The following C1orf53 variants were observed in gnomAD, a reference collection of about 807,000 sequenced individuals.
The protein encoded by C1orf53 is uncharacterized protein C1orf53.
A neutral mutation model predicts 17.5 loss-of-function variants in C1orf53; 23 were observed. The ratio of observed to expected loss-of-function variants is 1.31; its 90% CI spans 0.94 to 1.86. C1orf53 has a LOEUF of 1.86. Ranked by LOEUF, C1orf53 falls within the 40% of genes most tolerant of loss-of-function variation. The probability of loss-of-function intolerance (pLI) is 0.00; values close to 1 mark genes in which losing one functional copy is unlikely to be tolerated. For synonymous variants in C1orf53, 108 were observed against 81.9 expected (o/e 1.32, Z -1.72); for missense variants, 255 against 193.2 (o/e 1.32, Z -1.89).
chr1:197,905,973 A>G (rs1659518738), intron 2 of C1orf53, 76 bp downstream of exon 2: 1 of 1,120,450 alleles, frequency 8.9e-7, no homozygotes, highest in Admixed American at 1.8e-5. Flanking sequence ...TATTTGAACA[A>G]CAAGTCAAAT....
Position 197,907,197 on chromosome 1 carries a change from T to A in C1orf53, c.415T>A (p.Phe139Ile), listed in dbSNP as rs1356090053. 1 of 1,582,984 alleles carries A rather than the reference T, an allele frequency of 6.3e-7. No individual in the cohort carries two copies. Among genetic ancestry groups the A allele is most frequent in the Non-Finnish European group, 8.6e-7 (1 of 1,156,764 alleles). Residue 139 changes from phenylalanine (F) to isoleucine (I), a missense_variant, in exon 3 of 3, where the codon TTC becomes ATC. Physicochemically the swap from Phe to Ile is conservative, Grantham distance 21. Coordinates refer to ENST00000367393, the MANE Select transcript of C1orf53 (RefSeq NM_001024594.3). ...NVKDPSKKKQ[F>I]NSYFYV The stretch of plus-strand genomic sequence containing the variant: ...TAAAGATCCATCTAAAAAGAAGCAA[T>A]TCAATTCATATTTTTATGTTTGACA...
intron 1 of C1orf53, among the ~76,000 whole-genome samples, chr1:197,904,644 G>A (rs909898018): frequency 1.3e-5 from 2 of 152,176 alleles, no homozygotes; most frequent in African/African-American, 2.4e-5. Flanking sequence ...CTGGACTTGG[G>A]AAGTCTCTCT....
chr1:197,903,041 T>C (rs892284718), intron 1 of C1orf53, 128 bp downstream of exon 1: 6 of 887,732 alleles, frequency 6.8e-6, no homozygotes, highest in Non-Finnish European at 9.1e-6. Context: ...ACCGGTGCGG[T>C]CCTGCCTCGG....
At chr1:197,904,154 G>A (rs1232373402) in intron 1 of C1orf53, among the ~76,000 whole-genome samples, 1 of 152,148 alleles carries the variant, frequency 6.6e-6, no homozygotes, top group Non-Finnish European at 1.5e-5. Flanking sequence ...CGACAAATCT[G>A]AGCCCCCTCA....
chr1:197,907,215 G>T lies in C1orf53; in HGVS notation c.433G>T (p.Val145Phe), dbSNP rs529713555. The T allele has an allele frequency of 1.3e-6, 2 of 1,559,832 alleles. No homozygotes were observed. Among genetic ancestry groups the T allele is most frequent in the Non-Finnish European group, 1.8e-6 (2 of 1,137,386 alleles). Reference protein sequence around the residue: ...KKKQFNSYFYV With the variant: ...KKKQFNSYFYF ...GAAGCAATTCAATTCATATTTTTAT[G>T]TTTGACAAGAATTTCATCTCTGTTC... is the stretch of plus-strand genomic sequence containing the variant. The change falls in exon 3 of 3, where the codon GTT becomes TTT. Residue 145 changes from valine to phenylalanine, a missense_variant. By Grantham distance (50) the Val-to-Phe change is conservative (BLOSUM62 -1). Coordinates refer to ENST00000367393, the MANE Select transcript of C1orf53 (RefSeq NM_001024594.3).
rs1329671605 is a variant in C1orf53 at position 197,902,882 on chromosome 1, A to T, written c.233A>T (p.Gln78Leu). 11 of 1,505,056 alleles carry T rather than the reference A, an allele frequency of 7.3e-6. No homozygotes were observed. The highest frequency in any genetic ancestry group is 9.7e-6 in the Non-Finnish European group (11 of 1,132,014). The allele number at this position is 1,505,056 out of a possible 1,614,324, so 93.2% of individuals were successfully genotyped here. ...VSEELTAAERQIAELHAAACA... is the reference protein window; with the variant it reads ...VSEELTAAERLIAELHAAACA... ...GAAGAGTTAACCGCGGCGGAGCGAC[A>T]GATCGCGGAGCTGCACGCTGCCGCC... Residue 78 changes from glutamine to leucine, a missense_variant, in exon 1 of 3, where the codon CAG (glutamine) becomes CTG (leucine). Gln to Leu is a moderately radical substitution (Grantham distance 113). Transcript: ENST00000367393.
In C1orf53 at chr1:197,903,584, A is replaced by G. The variant is rs559186617; in HGVS notation, c.264+671A>G. ...GCATGGTTACCTTTACAAAAGAAAC[A>G]GTGAGAAAAAAAGAGAAACTGACTA... On this transcript the variant is annotated intron_variant, in intron 1 of 2. Coordinates refer to ENST00000367393, the MANE Select transcript of C1orf53 (RefSeq NM_001024594.3). Among the ~76,000 whole-genome samples, 438 of 152,328 alleles carry G rather than the reference A, an allele frequency of 2.9e-3. 1 individual carries two copies. The highest frequency in any genetic ancestry group is 5.2e-3 in the Non-Finnish European group (355 of 68,028).
intron 2 of C1orf53, among the ~76,000 whole-genome samples, chr1:197,906,663 G>T (rs1050111049): frequency 6.6e-6 from 1 of 152,004 alleles, no homozygotes; most frequent in Non-Finnish European, 1.5e-5. Context: ...ATTGTTATAG[G>T]GTCAAGATTA....
At chr1:197,902,976 A>G in intron 1 of C1orf53, 63 bp downstream of exon 1, 1 of 1,310,606 alleles carries the variant, frequency 7.6e-7, no homozygotes, top group East Asian at 3.2e-5. Flanking sequence ...GCGCCTGCGC[A>G]TCCCGGGCCT....
Position 197,902,789 on chromosome 1 carries a change from G to A in C1orf53, c.140G>A (p.Gly47Glu), listed in dbSNP as rs751158476. The change falls in exon 1 of 3, where the codon GGA (glycine) becomes GAA (glutamate). Residue 47 changes from glycine to glutamate, a missense_variant. Gly to Glu is a moderately conservative substitution (Grantham distance 98). Coordinates refer to ENST00000367393, the MANE Select transcript of C1orf53 (RefSeq NM_001024594.3). ...TTAACCCTCTGCCCTGCTAACGAGG[G>A]AAACTGCGGCGGCTCCGCGCCCAGC... The part of the protein sequence containing the change: ...LSLTLCPANE[G>E]NCGGSAPSTP... 3 of 1,581,370 alleles carry A rather than the reference G, an allele frequency of 1.9e-6. No homozygotes were observed. Among genetic ancestry groups the A allele is most frequent in the South Asian group, 1.1e-5 (1 of 87,428 alleles).
intron 1 of C1orf53, among the ~76,000 whole-genome samples, chr1:197,904,058 C>T (rs1659483045): frequency 6.6e-6 from 1 of 152,224 alleles, no homozygotes; most frequent in Admixed American, 6.5e-5. Flanking sequence ...ACATTTGTTT[C>T]ATCAGTGTCA....
intron 1 of C1orf53, 57 bp downstream of exon 1, chr1:197,902,970 C>T (rs1659454681): frequency 7.5e-7 from 1 of 1,324,878 alleles, no homozygotes; most frequent in Non-Finnish European, 9.6e-7. Flanking sequence ...CTCGGCGCGC[C>T]TGCGCATCCC....
intron 1 of C1orf53, among the ~76,000 whole-genome samples, chr1:197,905,094 A>G (rs975048609): frequency 3.3e-5 from 5 of 152,240 alleles, no homozygotes; most frequent in African/African-American, 1.2e-4. Context: ...CACCGTTTTA[A>G]GTCATGTTTG....
chr1:197,903,685 A>G (rs1252921418), intron 1 of C1orf53, among the ~76,000 whole-genome samples: 1 of 152,184 alleles, frequency 6.6e-6, no homozygotes, highest in Non-Finnish European at 1.5e-5. Flanking sequence ...ACTTGATGGG[A>G]CTAATATTAT....
chr1:197,902,900 C>G lies in C1orf53; in HGVS notation c.251C>G (p.Ala84Gly). 1 of 1,476,184 alleles carries G rather than the reference C, an allele frequency of 6.8e-7. No homozygotes were observed. The highest frequency in any genetic ancestry group is 9.0e-7 in the Non-Finnish European group (1 of 1,117,308). 91.4% of individuals were successfully genotyped at this position (1,476,184 alleles called of 1,614,324 possible). ...GAGCGACAGATCGCGGAGCTGCACGCTGCCGCCTGCGCGGTGAGACTCCCT... is the reference window on the plus strand; with the variant it reads ...GAGCGACAGATCGCGGAGCTGCACGGTGCCGCCTGCGCGGTGAGACTCCCT... ...AAERQIAELH[A>G]AACAAGQLNY... The change falls in exon 1 of 3, where the codon GCT becomes GGT. Residue 84 changes from alanine to glycine, a missense_variant. Coordinates refer to ENST00000367393, the MANE Select transcript of C1orf53 (RefSeq NM_001024594.3).
In C1orf53 at chr1:197,905,790, C is replaced by G; in HGVS notation, c.265-6C>G. The stretch of plus-strand genomic sequence containing the variant: ...TAATGAATTGTTTCATTTTATTGCA[C>G]TTCAGGCTGGCCAGCTAAACTATGT... On this transcript the variant is annotated splice_polypyrimidine_tract_variant and splice_region_variant and intron_variant, in intron 1 of 2. Transcript: ENST00000367393. 6.3e-7 allele frequency: 1 copy of G among 1,598,832 alleles called. No homozygotes were observed. Among genetic ancestry groups the G allele is most frequent in the South Asian group, 1.1e-5 (1 of 90,596 alleles).
intron 2 of C1orf53, 109 bp downstream of exon 2, chr1:197,906,006 T>C (rs1659519161): frequency 2.4e-6 from 2 of 832,306 alleles, no homozygotes; most frequent in Non-Finnish European, 2.0e-6. Flanking sequence ...AGACCTGGAG[T>C]GAACTTTTCA....
intron 1 of C1orf53, among the ~76,000 whole-genome samples, chr1:197,903,211 T>C (rs1659468671): frequency 6.6e-6 from 1 of 152,162 alleles, no homozygotes; most frequent in Non-Finnish European, 1.5e-5. Context: ...TGTATGTGTG[T>C]GTGTGTTGCG....
At position 197,907,168 on chromosome 1, in the gene C1orf53, A is replaced by G. The variant is rs774650124; in HGVS notation, c.386A>G (p.Asn129Ser). 2.5e-5 allele frequency: 39 copies of G among 1,577,228 alleles called. No individual in the cohort carries two copies. Among genetic ancestry groups the G allele is most frequent in the Middle Eastern group, 3.3e-4 (2 of 6,018 alleles). The change falls in exon 3 of 3, where the codon AAT (asparagine) becomes AGT (serine). Residue 129 changes from asparagine (N) to serine (S), a missense_variant. Physicochemically the swap from Asn to Ser is conservative, Grantham distance 46. Coordinates refer to ENST00000367393, the MANE Select transcript of C1orf53 (RefSeq NM_001024594.3). ...CTGCAGTGTCCATATGGTCAAGTCA[A>G]TGTTAAAGATCCATCTAAAAAGAAG... ...ACRHCPYGQV[N>S]VKDPSKKKQF...
Sources: allele counts gnomAD v4.1 joint callset (sites outside exome capture counted in the v4.1 genomes callset), GRCh38; gene constraint gnomAD v4.1.1; transcripts MANE v1.5; gene names NCBI Gene and HGNC (gene_info 2026-07-23, HGNC 2026-07-21).